The following TSPAN9 variants were observed in gnomAD, a reference collection of about 807,000 sequenced individuals.
TSPAN9 encodes tetraspanin 9, also known as tetraspanin-9.
In TSPAN9, 16 loss-of-function variants were observed where a neutral mutation model predicts 31.0. The ratio of observed to expected loss-of-function variants is 0.52; its 90% CI spans 0.35 to 0.78. The LOEUF (loss-of-function observed/expected upper bound fraction) is 0.78. Ranked by LOEUF, TSPAN9 falls within the 30% of genes least tolerant of loss-of-function variation. TSPAN9 has a pLI of 0.01. For missense variants in TSPAN9, 272 were observed against 312.5 expected, an observed-to-expected ratio of 0.87 and a Z score of 0.98; for synonymous variants, 145 against 121.6, an observed-to-expected ratio of 1.19 and a Z score of -1.27.
chr12:3,239,838 T>C (rs911165867), intron 3 of TSPAN9, among the ~76,000 whole-genome samples: 3 of 151,016 alleles, frequency 2.0e-5, no homozygotes, highest in African/African-American at 7.3e-5. Flanking sequence ...AGGAGCTGAG[T>C]GCAGGGGAGG....
chr12:3,191,889 T>C (rs899980846), intron 2 of TSPAN9, among the ~76,000 whole-genome samples: 2 of 152,106 alleles, frequency 1.3e-5, no homozygotes, highest in African/African-American at 4.8e-5. Flanking sequence ...TGTGAGGAGT[T>C]GTATTGAAAG....
chr12:3,092,667 C>T (rs992945991), intron 2 of TSPAN9, among the ~76,000 whole-genome samples: 5 of 152,142 alleles, frequency 3.3e-5, no homozygotes, highest in East Asian at 1.9e-4. Context: ...TAAAAAATGA[C>T]GCTACCCACT....
At chr12:3,228,486 A>G (rs1175492686) in intron 3 of TSPAN9, among the ~76,000 whole-genome samples, 3 of 152,244 alleles carry the variant, frequency 2.0e-5, no homozygotes, top group African/African-American at 4.8e-5. Flanking sequence ...GGGAAGATCC[A>G]GGACTAGCTT....
chr12:3,282,593 TCTCC>T (rs1862917647), intron 8 of TSPAN9, among the ~76,000 whole-genome samples: 1 of 151,212 alleles, frequency 6.6e-6, no homozygotes, highest in African/African-American at 2.4e-5. Flanking sequence ...ACAGATGGAG[TCTCC>T]CTCTATTGCC....
chr12:3,140,427 A>G (rs575287287), intron 2 of TSPAN9, among the ~76,000 whole-genome samples: 71 of 152,194 alleles, frequency 4.7e-4, no homozygotes, highest in African/African-American at 1.7e-3. Context: ...CAGTAGGATC[A>G]TGCACTGGCC....
chr12:3,195,700 G>A (rs182244513), intron 2 of TSPAN9, among the ~76,000 whole-genome samples: 1 of 152,156 alleles, frequency 6.6e-6, no homozygotes, highest in African/African-American at 2.4e-5. Flanking sequence ...GCTTCCTAGG[G>A]CACCGGTTAA....
intron 2 of TSPAN9, among the ~76,000 whole-genome samples, chr12:3,105,736 GCA>G (rs947236535): frequency 4.1e-4 from 61 of 148,518 alleles, no homozygotes; most frequent in African/African-American, 1.4e-3. Flanking sequence ...GCACGCGCGT[GCA>G]CACACACACT....
Position 3,147,344 on chromosome 12 carries a change from G to C in TSPAN9, c.-17-53833G>C, listed in dbSNP as rs1032563043. The stretch of plus-strand genomic sequence containing the variant: ...GTATCCCAAAAATGCAGTGTGGTGT[G>C]ACAGCTGCCTGCTGCATCCTGCTGA... On this transcript the variant is annotated intron_variant, in intron 2 of 8. Transcript: ENST00000011898. This position sits in a 1 kb window ranked among gnomAD's most constrained non-coding sequence, Gnocchi z 4.3. Among the ~76,000 whole-genome samples, 1 of 152,224 alleles carries C rather than the reference G, an allele frequency of 6.6e-6. No individual in the cohort carries two copies. Among genetic ancestry groups the C allele is most frequent in the Admixed American group, 6.5e-5 (1 of 15,286 alleles).
chr12:3,214,700 T>C (rs1002220892), intron 3 of TSPAN9, among the ~76,000 whole-genome samples: 2 of 152,008 alleles, frequency 1.3e-5, no homozygotes, highest in Non-Finnish European at 2.9e-5. Flanking sequence ...CTTCACGCCC[T>C]CTAAGCAGGT....
At chr12:3,277,618 A>G (rs991492142) in intron 3 of TSPAN9, among the ~76,000 whole-genome samples, 2 of 152,216 alleles carry the variant, frequency 1.3e-5, no homozygotes, top group African/African-American at 4.8e-5. Context: ...GGGGAGTGCC[A>G]GCTATATCGA....
At chr12:3,203,785 G>A (rs1456831267) in intron 3 of TSPAN9, among the ~76,000 whole-genome samples, 3 of 152,222 alleles carry the variant, frequency 2.0e-5, no homozygotes, top group African/African-American at 4.8e-5. Flanking sequence ...GTTCATGCTT[G>A]TGTGTAAGAG....
At chr12:3,221,347 AAAATATTTTTCTC>A (rs2098384413) in intron 3 of TSPAN9, among the ~76,000 whole-genome samples, 2 of 148,638 alleles carry the variant, frequency 1.3e-5, no homozygotes. Flanking sequence ...TTTTTTATTT[AAAATATTTTTCTC>A]TTTTTTTTTT....
intron 2 of TSPAN9, among the ~76,000 whole-genome samples, chr12:3,105,990 A>G (rs2098314455): frequency 6.6e-6 from 1 of 151,714 alleles, no homozygotes; most frequent in African/African-American, 2.4e-5. Context: ...GCGCACACTC[A>G]GTCTTGCACA....
Position 3,284,932 on chromosome 12 carries a change from T to C in TSPAN9, c.*1816T>C, listed in dbSNP as rs537938. 0.5 allele frequency: 75,892 copies of C among 152,020 alleles called. 19,533 individuals carry two copies. The highest frequency in any genetic ancestry group is 0.63 in the African/African-American group (25,999 of 41,434). 9.4% of individuals were successfully genotyped at this position (152,020 alleles called of 1,614,324 possible). A position where few individuals can be genotyped will look rare whatever the true frequency, so the allele number is the denominator to read the frequency against. ...CTGTTCACCTTAAGTAACACACAAA[T>C]CGGGAACAGGAGGACAGAACCGTTG... On this transcript the variant is annotated 3_prime_UTR_variant, in exon 9 of 9. Coordinates refer to ENST00000011898, the MANE Select transcript of TSPAN9 (RefSeq NM_006675.5).
At chr12:3,167,138 C>T (rs1173555615) in intron 2 of TSPAN9, among the ~76,000 whole-genome samples, 1 of 152,076 alleles carries the variant, frequency 6.6e-6, no homozygotes, top group African/African-American at 2.4e-5. Flanking sequence ...ATACAGCTTG[C>T]GTTCTTTTGT....
intron 2 of TSPAN9, among the ~76,000 whole-genome samples, chr12:3,085,343 C>T (rs1436013216): frequency 7.2e-5 from 11 of 151,740 alleles, no homozygotes; most frequent in Non-Finnish European, 1.2e-4. Flanking sequence ...GAAGGGCTCC[C>T]CAGGAGGCCT....
intron 3 of TSPAN9, among the ~76,000 whole-genome samples, chr12:3,219,087 G>A (rs1464231775): frequency 6.6e-6 from 1 of 152,210 alleles, no homozygotes; most frequent in Non-Finnish European, 1.5e-5. Flanking sequence ...CTTACAGGTG[G>A]CCCTTCCCAC....
intron 2 of TSPAN9, chr12:3,200,286 G>A (rs2098370632): frequency 6.6e-6 from 1 of 152,238 alleles, no homozygotes. Flanking sequence ...AGCAGGGGGC[G>A]GGGCCGAGGG....
At chr12:3,269,997 G>A (rs1006133975) in intron 3 of TSPAN9, among the ~76,000 whole-genome samples, 16 of 152,210 alleles carry the variant, frequency 1.1e-4, no homozygotes, top group African/African-American at 3.6e-4. Flanking sequence ...CTACAAGGCT[G>A]GCAGGTGCTC....
Sources: allele counts gnomAD v4.1 joint callset (sites outside exome capture counted in the v4.1 genomes callset), GRCh38; gene constraint gnomAD v4.1.1; non-coding constraint Gnocchi (gnomAD v3.1); transcripts MANE v1.5; gene names NCBI Gene and HGNC (gene_info 2026-07-23, HGNC 2026-07-21).